The following CNTN4 variants were observed in gnomAD, a reference collection of about 807,000 sequenced individuals.
The protein encoded by CNTN4 is contactin-4.
Under a neutral mutation model 122.5 loss-of-function variants are expected in CNTN4, and 77 were observed. The ratio of observed to expected loss-of-function variants is 0.63; its 90% CI spans 0.52 to 0.76. The LOEUF is 0.76. CNTN4 is among the 30% of genes least tolerant of loss of function. The probability of loss-of-function intolerance (pLI) is 0.00; values close to 1 mark genes in which losing one functional copy is unlikely to be tolerated. For synonymous variants in CNTN4, 512 were observed against 447.0 expected (o/e 1.15, Z -1.83); for missense variants, 1,256 against 1,259.1 (o/e 1.00, Z 0.04).
chr3:2,287,648 A>C (rs1028952162), intron 2 of CNTN4, among the ~76,000 whole-genome samples: 1 of 20,864 alleles, frequency 4.8e-5, no homozygotes, highest in Non-Finnish European at 1.4e-4. Context: ...AAGAAGAAGA[A>C]GAAGAAGAAG....
At chr3:2,910,926 C>G (rs2094292712) in intron 12 of CNTN4, among the ~76,000 whole-genome samples, 1 of 152,176 alleles carries the variant, frequency 6.6e-6, no homozygotes, top group Non-Finnish European at 1.5e-5. Flanking sequence ...GCACTCCAGT[C>G]AAGTGTAAAG....
At chr3:2,485,622 G>C (rs1174091547) in intron 3 of CNTN4, among the ~76,000 whole-genome samples, 5 of 151,980 alleles carry the variant, frequency 3.3e-5, no homozygotes, top group Non-Finnish European at 7.4e-5. Flanking sequence ...AGGTAATCTG[G>C]GGGGGACTTG....
chr3:2,932,606 G>A (rs2094531130), intron 13 of CNTN4, among the ~76,000 whole-genome samples: 1 of 152,044 alleles, frequency 6.6e-6, no homozygotes. Flanking sequence ...AGTGAGGGAG[G>A]CAAGTCTTAA....
rs141217935 is a variant in CNTN4 at position 2,386,912 on chromosome 3, G to C, written c.-89+47679G>C. 1.3e-3 allele frequency among the ~76,000 whole-genome samples: 205 copies of C among 152,250 alleles called. 2 individuals are homozygous for C. Among genetic ancestry groups the C allele is most frequent in the African/African-American group, 4.4e-3 (182 of 41,548 alleles). ...TGCAACTAAGCGCATTCAATTTAGAGATTATAGAAATCATGCATGTGGCAA... is the reference window on the plus strand; with the variant it reads ...TGCAACTAAGCGCATTCAATTTAGACATTATAGAAATCATGCATGTGGCAA... On this transcript the variant is annotated intron_variant, in intron 3 of 24. Transcript: ENST00000418658.
intron 2 of CNTN4, among the ~76,000 whole-genome samples, chr3:2,281,250 T>G (rs1036991238): frequency 1.3e-5 from 2 of 152,154 alleles, no homozygotes; most frequent in African/African-American, 4.8e-5. Flanking sequence ...TCAGACAGCA[T>G]TGTCTTCTTT....
intron 10 of CNTN4, among the ~76,000 whole-genome samples, chr3:2,891,636 ACT>A (rs2094042153): frequency 6.6e-6 from 1 of 152,084 alleles, no homozygotes; most frequent in African/African-American, 2.4e-5. Context: ...AAGTGCAAAG[ACT>A]CTGAGGCAGA....
At chr3:2,316,462 T>G (rs1244929239) in intron 2 of CNTN4, among the ~76,000 whole-genome samples, 2 of 152,148 alleles carry the variant, frequency 1.3e-5, no homozygotes, top group East Asian at 3.8e-4. Context: ...ATTAGTTAAT[T>G]TATTGAACTA....
chr3:2,281,613 C>T (rs1153485), intron 2 of CNTN4, among the ~76,000 whole-genome samples: 147,894 of 152,180 alleles, frequency 0.97, 71,923 homozygotes, highest in East Asian at 1. Flanking sequence ...CCAACTGATA[C>T]GTTTTTACTT....
chr3:2,803,831 G>C (rs905548869), intron 6 of CNTN4, among the ~76,000 whole-genome samples: 7 of 152,014 alleles, frequency 4.6e-5, no homozygotes, highest in Non-Finnish European at 8.8e-5. Flanking sequence ...AAAGTACTGG[G>C]ATTACAGGTG....
At chr3:2,752,966 G>T (rs1576663967) in intron 6 of CNTN4, among the ~76,000 whole-genome samples, 2 of 152,214 alleles carry the variant, frequency 1.3e-5, no homozygotes, top group East Asian at 3.9e-4. Context: ...TCTTTTTATG[G>T]CTGAATAATA....
chr3:2,540,638 A>G (rs1047348580), intron 3 of CNTN4, among the ~76,000 whole-genome samples: 4 of 152,152 alleles, frequency 2.6e-5, no homozygotes, highest in South Asian at 2.1e-4. Flanking sequence ...CACAATATAC[A>G]GAAGTATAGA....
intron 11 of CNTN4, among the ~76,000 whole-genome samples, chr3:2,902,358 G>A (rs928715776): frequency 4.6e-5 from 7 of 151,770 alleles, no homozygotes; most frequent in Non-Finnish European, 8.8e-5. Flanking sequence ...ATAAACTAAG[G>A]GAATATTAAA....
intron 13 of CNTN4, among the ~76,000 whole-genome samples, chr3:2,948,913 C>G (rs2094707348): frequency 6.6e-6 from 1 of 152,060 alleles, no homozygotes; most frequent in African/African-American, 2.4e-5. Flanking sequence ...TAAACTAAGG[C>G]TCAGTGATAT....
At chr3:2,677,634 T>C (rs902471042) in intron 4 of CNTN4, among the ~76,000 whole-genome samples, 5 of 152,098 alleles carry the variant, frequency 3.3e-5, no homozygotes, top group African/African-American at 1.2e-4. Context: ...TCAAACAGCA[T>C]GGTTCATTGT....
intron 13 of CNTN4, 27 bp from the exon 14 acceptor site, chr3:2,988,318 T>A (rs779934891): frequency 1.2e-6 from 2 of 1,610,532 alleles, no homozygotes; most frequent in Non-Finnish European, 8.5e-7. Flanking sequence ...AATTTCACCA[T>A]TTTTGGTTCA....
At chr3:2,981,338 G>A (rs1028441224) in intron 13 of CNTN4, among the ~76,000 whole-genome samples, 2 of 151,754 alleles carry the variant, frequency 1.3e-5, no homozygotes, top group Admixed American at 6.6e-5. Flanking sequence ...CAGCTACTCG[G>A]GAGGCTGAGG....
chr3:2,550,844 A>T (rs868185113), intron 3 of CNTN4, among the ~76,000 whole-genome samples: 23 of 152,174 alleles, frequency 1.5e-4, no homozygotes, highest in African/African-American at 4.6e-4. Flanking sequence ...GCCAACTAAC[A>T]CAAGAACAGA....
intron 13 of CNTN4, among the ~76,000 whole-genome samples, chr3:2,931,407 AG>A (rs1214628299): frequency 1.3e-5 from 2 of 152,048 alleles, no homozygotes; most frequent in East Asian, 3.9e-4. Context: ...CAAGACTGAG[AG>A]GGGGCAAATA....
intron 8 of CNTN4, among the ~76,000 whole-genome samples, chr3:2,869,223 T>C (rs1346732680): frequency 6.6e-6 from 1 of 152,152 alleles, no homozygotes; most frequent in Admixed American, 6.6e-5. Context: ...GAAGATTGCT[T>C]AGCTGCTATG....
Sources: gnomAD v4.1 joint callset for allele counts (sites outside exome capture counted in the v4.1 genomes callset) on GRCh38, gnomAD v4.1.1 for gene constraint, MANE v1.5 for transcripts, NCBI Gene and HGNC (gene_info 2026-07-23, HGNC 2026-07-21) for gene names.